The following RUNX3 variants were observed in gnomAD, a reference collection of about 807,000 sequenced individuals.
RUNX3 encodes runt-related transcription factor 3.
Under a neutral mutation model 27.7 loss-of-function variants are expected in RUNX3, and 10 were observed. That is an observed-to-expected ratio of 0.36 (90% CI 0.22 to 0.61). The LOEUF (loss-of-function observed/expected upper bound fraction) is 0.61. RUNX3 is among the 20% of genes least tolerant of loss of function. The pLI, the probability that RUNX3 is intolerant of heterozygous loss-of-function variation, is 0.72. For synonymous variants in RUNX3, 270 were observed against 269.2 expected (o/e 1.00, Z -0.03); for missense variants, 469 against 629.5 (o/e 0.75, Z 2.73).
intron 2 of RUNX3, among the ~76,000 whole-genome samples, chr1:24,938,210 C>T (rs939356804): frequency 3.3e-5 from 5 of 152,224 alleles, no homozygotes; most frequent in African/African-American, 1.2e-4. Flanking sequence ...GAGCAAGTCC[C>T]TTCCCTCTCT....
intron 2 of RUNX3, among the ~76,000 whole-genome samples, chr1:24,940,696 AC>A (rs958765921): frequency 1.3e-5 from 2 of 151,450 alleles, no homozygotes; most frequent in African/African-American, 4.9e-5. Context: ...AGAGTTCAAG[AC>A]TAGCCTGGGC....
At chr1:24,961,391 T>A (rs979504658) in intron 2 of RUNX3, 16 of 152,268 alleles carry the variant, frequency 1.1e-4, no homozygotes, top group African/African-American at 3.9e-4. Flanking sequence ...CCTGAGGTAG[T>A]AGGAGCTCGG....
upstream of RUNX3, among the ~76,000 whole-genome samples, chr1:24,932,766 G>A (rs929116981): frequency 6.6e-6 from 1 of 152,170 alleles, no homozygotes; most frequent in South Asian, 2.1e-4. Flanking sequence ...CCCACCTGGG[G>A]CATGCAGACA....
At chr1:24,953,226 G>T (rs543385193) in intron 2 of RUNX3, among the ~76,000 whole-genome samples, 1 of 151,812 alleles carries the variant, frequency 6.6e-6, no homozygotes, top group Admixed American at 6.6e-5. Flanking sequence ...TTAGCCAGGC[G>T]TAGTGGCGGG....
intron 2 of RUNX3, among the ~76,000 whole-genome samples, chr1:24,944,432 C>A (rs955247788): frequency 2.6e-5 from 4 of 152,238 alleles, no homozygotes; most frequent in African/African-American, 9.6e-5. Flanking sequence ...CTTCTCTGGT[C>A]TCCTGTGGTA....
intron 2 of RUNX3, among the ~76,000 whole-genome samples, chr1:24,944,482 C>A (rs979533128): frequency 1.3e-5 from 2 of 152,212 alleles, no homozygotes; most frequent in Non-Finnish European, 2.9e-5. Flanking sequence ...ATCCTAATCC[C>A]CAAACCTGTG....
chr1:24,907,361 G>C lies in RUNX3; in HGVS notation c.601C>G (p.Leu201Val). ...GTCACCCGCATGCGCAGCCGTTCCA[G>C]GTCCCCAAAGCGGTCAGGGAACGGC... is the stretch of plus-strand genomic sequence containing the variant. The part of the protein sequence containing the change: ...TKPFPDRFGD[L>V]ERLRMRVTPS... The change falls in exon 4 of 5, where the codon CTG (leucine) becomes GTG (valine). Residue 201 changes from leucine (L) to valine (V), a missense_variant. Leu to Val is a conservative substitution (Grantham distance 32, BLOSUM62 1). Around this residue, in one of 3 missense-constraint regions of RUNX3, gnomAD observed 279 missense variants for 343.0 expected, o/e 0.81. Coordinates refer to ENST00000308873, the MANE Select transcript of RUNX3 (RefSeq NM_004350.3). 1 of 1,613,948 alleles carries C rather than the reference G, an allele frequency of 6.2e-7. No homozygotes were observed. The highest frequency in any genetic ancestry group is 8.5e-7 in the Non-Finnish European group (1 of 1,179,998).
At chr1:24,952,401 C>A (rs550913921) in intron 2 of RUNX3, among the ~76,000 whole-genome samples, 1 of 152,346 alleles carries the variant, frequency 6.6e-6, no homozygotes, top group South Asian at 2.1e-4. Flanking sequence ...ACAAGGTAGC[C>A]ATTAGCATAT....
At chr1:24,932,503 CG>C (rs1356859998), upstream of RUNX3, among the ~76,000 whole-genome samples, 3 of 152,156 alleles carry the variant, frequency 2.0e-5, no homozygotes, top group Admixed American at 2.0e-4. Flanking sequence ...GCAGGCGCGG[CG>C]ACCGCCCCCG....
rs995231148 is a variant in RUNX3, at chr1:24,951,016, G to T, written c.58+13498C>A. ...AGGTCAGGAGATTGAGACCCTCCTG[G>T]ATAACATGGGGAAACCCTGTCTCTA... On this transcript the variant is annotated intron_variant, in intron 2 of 6. Transcript: ENST00000338888. 2.0e-5 allele frequency among the ~76,000 whole-genome samples: 3 copies of T among 152,028 alleles called. No homozygotes were observed. In the East Asian group the frequency reaches 5.8e-4, roughly 29 times the overall value.
At chr1:24,932,032 G>T (rs1195344774), upstream of RUNX3, among the ~76,000 whole-genome samples, 3 of 152,228 alleles carry the variant, frequency 2.0e-5, no homozygotes, top group Non-Finnish European at 4.4e-5. Flanking sequence ...GCCAGGTAGG[G>T]CCCTGGCCGG....
chr1:24,913,840 G>C (rs1004898623), intron 3 of RUNX3, among the ~76,000 whole-genome samples: 3 of 152,158 alleles, frequency 2.0e-5, no homozygotes, highest in African/African-American at 7.2e-5. Flanking sequence ...AGACCATCAG[G>C]GTTACCCCCT....
intron 2 of RUNX3, among the ~76,000 whole-genome samples, chr1:24,922,301 G>A (rs1184535570): frequency 2.7e-5 from 4 of 150,640 alleles, no homozygotes; most frequent in Admixed American, 1.3e-4. Context: ...GATTACAGTC[G>A]TAAACCACTA....
upstream of RUNX3, among the ~76,000 whole-genome samples, chr1:24,930,549 C>T (rs150222060): frequency 1.1e-3 from 173 of 152,208 alleles, 2 homozygotes; most frequent in East Asian, 0.031. This position sits in a 1 kb window ranked among gnomAD's most constrained non-coding sequence, Gnocchi z 4.1. Context: ...GTCCGGGTCC[C>T]ACGGAAGGCG....
chr1:24,917,182 T>C (rs1324224590), intron 3 of RUNX3, among the ~76,000 whole-genome samples: 5 of 152,050 alleles, frequency 3.3e-5, no homozygotes, highest in Non-Finnish European at 7.4e-5. Flanking sequence ...CTTTCTGGAG[T>C]GGCTCCCCTC....
At position 24,927,770 on chromosome 1, in the gene RUNX3, G is replaced by T; in HGVS notation, c.283-40C>A. On this transcript the variant is annotated intron_variant, in intron 1 of 4. Coordinates refer to ENST00000308873, the MANE Select transcript of RUNX3 (RefSeq NM_004350.3). The surrounding 1 kb of genome is among the most constrained non-coding windows in gnomAD (Gnocchi z 5.0). ...CGGGGGGATGCAGGGGGACAGCTTA[G>T]AAAGGAAGAGGGTGACCAGGGAAAG... 2 of 1,590,614 alleles carry T rather than the reference G, an allele frequency of 1.3e-6. No homozygotes were observed. Among genetic ancestry groups the T allele is most frequent in the Non-Finnish European group, 1.7e-6 (2 of 1,162,558 alleles).
intron 2 of RUNX3, among the ~76,000 whole-genome samples, chr1:24,948,843 C>G (rs1030095890): frequency 3.3e-5 from 5 of 151,940 alleles, no homozygotes; most frequent in African/African-American, 1.2e-4. Context: ...AGCTGGGACC[C>G]CAGTGAATGC....
chr1:24,922,198 T>C (rs1383096654), intron 2 of RUNX3, among the ~76,000 whole-genome samples: 2 of 150,780 alleles, frequency 1.3e-5, no homozygotes, highest in African/African-American at 4.9e-5. Flanking sequence ...TTTCTTTCTT[T>C]TTTTTTTTTT....
chr1:24,913,439 G>GATCCCCATTTT (rs1354050390), intron 3 of RUNX3, among the ~76,000 whole-genome samples: 2 of 152,250 alleles, frequency 1.3e-5, no homozygotes, highest in African/African-American at 4.8e-5. Flanking sequence ...TCTGCAAAAT[G>GATCCCCATTTT]GGGATCACAC....
Sources: allele counts gnomAD v4.1 joint callset (sites outside exome capture counted in the v4.1 genomes callset), GRCh38; gene constraint gnomAD v4.1.1; regional missense constraint gnomAD v4.1.1; non-coding constraint Gnocchi (gnomAD v3.1); transcripts MANE v1.5; gene names NCBI Gene and HGNC (gene_info 2026-07-23, HGNC 2026-07-21).